Variants in BLTP3B observed in about 807,000 individuals in gnomAD.
The protein encoded by BLTP3B is bridge-like lipid transfer protein family member 3B.
the BLTP3B span, among the ~76,000 whole-genome samples, chr12:100,137,721 G>A: frequency 6.6e-6 from 1 of 152,136 alleles, no homozygotes; most frequent in Non-Finnish European, 1.5e-5. Flanking sequence ...CTGCTTTAAT[G>A]AGCATATCCC....
the BLTP3B span, among the ~76,000 whole-genome samples, chr12:100,085,661 C>T: frequency 1.3e-5 from 2 of 152,106 alleles, no homozygotes; most frequent in African/African-American, 4.8e-5. Flanking sequence ...ACTCTATGAT[C>T]TCTAGTTTGG....
the BLTP3B span, chr12:100,037,383 A>G: frequency 4.3e-6 from 5 of 1,158,910 alleles, no homozygotes; most frequent in African/African-American, 6.5e-5. Context: ...ATTTTACACT[A>G]TGTGTTGACT....
the BLTP3B span, among the ~76,000 whole-genome samples, chr12:100,075,926 G>A: frequency 2.6e-5 from 4 of 152,136 alleles, no homozygotes; most frequent in Admixed American, 6.5e-5. Flanking sequence ...AGACAAAAAA[G>A]GGAACAACAG....
chr12:100,091,054 T>C, the BLTP3B span, among the ~76,000 whole-genome samples: 22 of 151,268 alleles, frequency 1.5e-4, no homozygotes, highest in Non-Finnish European at 2.8e-4. Context: ...TGAGGCAAAG[T>C]CTCACTCTGT....
chr12:100,118,143 C>T, the BLTP3B span, among the ~76,000 whole-genome samples: 1 of 151,774 alleles, frequency 6.6e-6, no homozygotes, highest in African/African-American at 2.4e-5. Flanking sequence ...CAGACAAACC[C>T]CAATTGAAGG....
chr12:100,041,025 A>C, the BLTP3B span, among the ~76,000 whole-genome samples: 351 of 152,362 alleles, frequency 2.3e-3, 8 homozygotes, highest in East Asian at 0.04. Flanking sequence ...AAGAACACTA[A>C]GACCAATATG....
chr12:100,072,780 T>G, the BLTP3B span: 10 of 1,602,388 alleles, frequency 6.2e-6, no homozygotes, highest in Admixed American at 1.8e-5. Flanking sequence ...ATCATGCTTT[T>G]GGGGGAAGAA....
chr12:100,040,524 T>C, the BLTP3B span, among the ~76,000 whole-genome samples: 7 of 151,966 alleles, frequency 4.6e-5, no homozygotes, highest in Non-Finnish European at 4.4e-5. Context: ...CTACTAAAGA[T>C]ACAAAAATTA....
the BLTP3B span, chr12:100,039,834 G>C: frequency 6.6e-7 from 1 of 1,511,742 alleles, no homozygotes; most frequent in East Asian, 2.3e-5. Context: ...CCAAATACTT[G>C]ATAAATCTTT....
the BLTP3B span, among the ~76,000 whole-genome samples, chr12:100,125,362 G>A: frequency 1.3e-5 from 2 of 151,178 alleles, no homozygotes. Context: ...AAAAATCTGG[G>A]CATCAGGCTG....
At chr12:100,127,574 T>A in the BLTP3B span, among the ~76,000 whole-genome samples, 1 of 152,196 alleles carries the variant, frequency 6.6e-6, no homozygotes, top group Non-Finnish European at 1.5e-5. Context: ...AGTTTCTAGG[T>A]TTTTCATTGA....
At chr12:100,096,674 A>G in the BLTP3B span, among the ~76,000 whole-genome samples, 84 of 152,086 alleles carry the variant, frequency 5.5e-4, no homozygotes, top group East Asian at 0.016. Context: ...AATAAAAATA[A>G]GCTAGGCATG....
chr12:100,128,543 GA>G, the BLTP3B span: 197,363 of 849,966 alleles, frequency 0.23, 1,175 homozygotes, highest in South Asian at 0.25. Flanking sequence ...TTTATAGAAT[GA>G]AAAAAAAAAA....
the BLTP3B span, among the ~76,000 whole-genome samples, chr12:100,109,653 C>A: frequency 6.6e-6 from 1 of 151,752 alleles, no homozygotes; most frequent in Non-Finnish European, 1.5e-5. Flanking sequence ...GTAGTCCCAG[C>A]TATTCAGGAG....
At chr12:100,120,614 C>T in the BLTP3B span, among the ~76,000 whole-genome samples, 5 of 152,238 alleles carry the variant, frequency 3.3e-5, no homozygotes, top group Admixed American at 6.5e-5. Flanking sequence ...CTCTCATATA[C>T]GTATTTGTGA....
At chr12:100,101,375 G>A in the BLTP3B span, among the ~76,000 whole-genome samples, 1 of 152,130 alleles carries the variant, frequency 6.6e-6, no homozygotes, top group Non-Finnish European at 1.5e-5. Context: ...AGGAGTAAGT[G>A]AGTGTGTGTC....
the BLTP3B span, chr12:100,097,654 T>C: frequency 2.3e-6 from 2 of 870,850 alleles, no homozygotes; most frequent in South Asian, 4.4e-5. Context: ...TTTTGTAAAT[T>C]GCATTATTCC....
chr12:100,106,426 T>TA, the BLTP3B span, among the ~76,000 whole-genome samples: 151 of 152,182 alleles, frequency 9.9e-4, 1 homozygote, highest in Admixed American at 4.2e-3. Context: ...TACTCAGCCA[T>TA]AAAAAAAGAG....
the BLTP3B span, among the ~76,000 whole-genome samples, chr12:100,113,951 C>A: frequency 2.6e-5 from 4 of 152,274 alleles, no homozygotes; most frequent in African/African-American, 9.6e-5. Flanking sequence ...AGATGGGCTT[C>A]AAGGAGTCTA....
Sources: gnomAD v4.1 joint callset for allele counts (sites outside exome capture counted in the v4.1 genomes callset) on GRCh38, gnomAD v4.1.1 for gene constraint, MANE v1.5 for transcripts, NCBI Gene and HGNC (gene_info 2026-07-23, HGNC 2026-07-21) for gene names.